TDRD9: variants seen among roughly 807,000 people sequenced by gnomAD.
TDRD9 encodes the protein ATP-dependent RNA helicase TDRD9.
Under a neutral mutation model 172.6 loss-of-function variants are expected in TDRD9, and 124 were observed. That is an observed-to-expected ratio of 0.72 (90% CI 0.62 to 0.83). The LOEUF (loss-of-function observed/expected upper bound fraction) is 0.83, where lower values mean the gene tolerates loss of function less well. Among genes scored for constraint, TDRD9 ranks in the 40% least tolerant of loss-of-function variants. The pLI is 0.00. For synonymous variants in TDRD9, 619 were observed against 617.1 expected (o/e 1.00, Z -0.05); for missense variants, 1,479 against 1,714.1 (o/e 0.86, Z 2.42).
At chr14:103,940,329 T>G (rs993871255) in intron 1 of TDRD9, 1 of 153,296 alleles carries the variant, frequency 6.5e-6, no homozygotes, top group Non-Finnish European at 1.5e-5. Context: ...AACTGCATGA[T>G]ATTTTTTCCC....
intron 5 of TDRD9, among the ~76,000 whole-genome samples, chr14:103,968,793 C>G (rs1195740028): frequency 0.071 from 135 of 1,894 alleles, no homozygotes; most frequent in South Asian, 0.29. Flanking sequence ...GAGACTCTGT[C>G]TCAAAAAAAA....
At chr14:104,051,922 T>A in intron 35 of TDRD9, 59 bp from the exon 36 acceptor site, 1 of 1,130,614 alleles carries the variant, frequency 8.8e-7, no homozygotes, top group Non-Finnish European at 1.3e-6. Flanking sequence ...GCATGTGTAT[T>A]TTATGTCTGG....
chr14:104,035,995 T>A (rs2035441031), intron 32 of TDRD9, among the ~76,000 whole-genome samples: 1 of 152,110 alleles, frequency 6.6e-6, no homozygotes, highest in Non-Finnish European at 1.5e-5. Flanking sequence ...CTTTTTTTTT[T>A]AGTTGTAAGA....
chr14:104,000,699 T>C (rs1328691984), intron 13 of TDRD9, among the ~76,000 whole-genome samples: 1 of 152,024 alleles, frequency 6.6e-6, no homozygotes, highest in East Asian at 1.9e-4. Flanking sequence ...TTACGAGAAT[T>C]GCTTGAACCT....
At chr14:103,984,101 C>G (rs777569842) in intron 7 of TDRD9, among the ~76,000 whole-genome samples, 28 of 152,228 alleles carry the variant, frequency 1.8e-4, no homozygotes, top group Non-Finnish European at 3.2e-4. Context: ...CAAGAGGTGT[C>G]TTGGATGCTG....
At chr14:104,046,868 G>A (rs907510765) in intron 34 of TDRD9, among the ~76,000 whole-genome samples, 2 of 152,082 alleles carry the variant, frequency 1.3e-5, no homozygotes, top group African/African-American at 2.4e-5. Flanking sequence ...GGATGGTCTC[G>A]ATCTCCTGAC....
At chr14:103,934,675 G>A (rs564070294) in intron 1 of TDRD9, among the ~76,000 whole-genome samples, 2 of 152,334 alleles carry the variant, frequency 1.3e-5, no homozygotes, top group East Asian at 3.9e-4. Context: ...CCCGCTACTC[G>A]GGAGGCTGAG....
chr14:103,993,951 A>C (rs2033965445), intron 9 of TDRD9, among the ~76,000 whole-genome samples: 1 of 152,240 alleles, frequency 6.6e-6, no homozygotes, highest in Non-Finnish European at 1.5e-5. Context: ...GAAATGGTTT[A>C]GCACATCCTC....
chr14:103,931,309 A>T (rs1192483776), intron 1 of TDRD9, among the ~76,000 whole-genome samples: 1 of 152,134 alleles, frequency 6.6e-6, no homozygotes, highest in Admixed American at 6.6e-5. Context: ...AAAAAAAAAA[A>T]AAAAATTCAA....
chr14:103,979,991 T>C (rs547408200), intron 7 of TDRD9, among the ~76,000 whole-genome samples: 1 of 152,088 alleles, frequency 6.6e-6, no homozygotes, highest in South Asian at 2.1e-4. Context: ...TTCTCCCATC[T>C]CAGCCTTCCA....
At chr14:103,989,847 G>T in intron 8 of TDRD9, among the ~76,000 whole-genome samples, 1 of 152,208 alleles carries the variant, frequency 6.6e-6, no homozygotes, top group Non-Finnish European at 1.5e-5. Context: ...AAGGAGGCTG[G>T]GTCACGTCCA....
At chr14:103,965,681 A>G in intron 4 of TDRD9, 127 bp downstream of exon 4, 1 of 845,526 alleles carries the variant, frequency 1.2e-6, no homozygotes, top group Non-Finnish European at 1.8e-6. Flanking sequence ...GTTGTGTCTC[A>G]TGCCTGTAAT....
intron 32 of TDRD9, among the ~76,000 whole-genome samples, chr14:104,038,457 A>G (rs1006236821): frequency 1.3e-5 from 2 of 152,148 alleles, no homozygotes; most frequent in Non-Finnish European, 2.9e-5. Flanking sequence ...GTACACAGGG[A>G]TGGCTTGTTG....
chr14:103,928,829 G>A, intron 1 of TDRD9, 105 bp downstream of exon 1: 1 of 324,816 alleles, frequency 3.1e-6, no homozygotes, highest in Non-Finnish European at 5.3e-6. Flanking sequence ...GCCCTCTCGC[G>A]GGGCTCCAGG....
intron 11 of TDRD9, 118 bp from the exon 12 acceptor site, chr14:103,995,632 C>A: frequency 1.1e-6 from 1 of 887,336 alleles, no homozygotes. Flanking sequence ...AATTTTGAAA[C>A]CTGAGTTCAG....
intron 23 of TDRD9, among the ~76,000 whole-genome samples, chr14:104,018,600 AG>A (rs1393793090): frequency 1.3e-5 from 2 of 152,254 alleles, no homozygotes; most frequent in African/African-American, 4.8e-5. Context: ...TGTCTAAAGC[AG>A]ATATGTTTTG....
intron 24 of TDRD9, 139 bp downstream of exon 24, chr14:104,022,469 A>T: frequency 1.1e-6 from 1 of 882,732 alleles, no homozygotes; most frequent in East Asian, 2.7e-5. Flanking sequence ...GGCTCACGCC[A>T]CTCATCCAGC....
rs1015792660 is a variant in TDRD9, at chr14:103,965,384, G to T, written c.472G>T (p.Gly158Ter). Reference protein sequence around the residue: ...NSVVIIHGATGSGKSTQLPQY... With the variant: ...NSVVIIHGAT ...CGTGGTGATTATCCATGGGGCCACG[G>T]GAAGCGGTAAAAGCACTCAGCTCCC... Residue 158 changes from glycine (G) to a stop codon, truncating the protein, a stop_gained, in exon 4 of 36, where the codon GGA becomes TGA. Transcript: ENST00000409874. LOFTEE classifies it high-confidence loss of function. The T allele has an allele frequency of 6.4e-7, 1 of 1,551,706 alleles. No homozygotes were observed. Among genetic ancestry groups the T allele is most frequent in the East Asian group, 2.4e-5 (1 of 40,914 alleles).
intron 7 of TDRD9, among the ~76,000 whole-genome samples, chr14:103,978,552 G>A (rs1046050211): frequency 1.3e-5 from 2 of 152,122 alleles, no homozygotes; most frequent in South Asian, 4.1e-4. Flanking sequence ...GTTTGGTCGC[G>A]ATGTTTCCTT....
Sources: gnomAD v4.1 joint callset for allele counts (sites outside exome capture counted in the v4.1 genomes callset) on GRCh38, gnomAD v4.1.1 for gene constraint, MANE v1.5 for transcripts, NCBI Gene and HGNC (gene_info 2026-07-23, HGNC 2026-07-21) for gene names.